Variants in DOT1L observed in about 807,000 individuals in gnomAD.
DOT1L encodes the protein DOT1 like histone lysine methyltransferase.
In DOT1L, 33 loss-of-function variants were observed where a neutral mutation model predicts 153.3. That is an observed-to-expected ratio of 0.22 (90% CI 0.16 to 0.29). DOT1L has a LOEUF of 0.29. DOT1L is among the 10% of genes least tolerant of loss of function. DOT1L has a pLI of 1.00. For missense variants in DOT1L, 1,847 were observed against 2,119.9 expected (o/e 0.87, Z 2.53); for synonymous variants, 1,135 against 965.1 (o/e 1.18, Z -3.26).
chr19:2,226,674 C>A lies in DOT1L; in HGVS notation c.4153C>A (p.Arg1385Ser). 1 of 1,578,334 alleles carries A rather than the reference C, an allele frequency of 6.3e-7. No homozygotes were observed. Among genetic ancestry groups the A allele is most frequent in the Non-Finnish European group, 8.6e-7 (1 of 1,166,736 alleles). The part of the protein sequence containing the change: ...GLAGLKGEGS[R>S]GKEAGEGGLP... ...GGCTGGGCTGAAGGGCGAGGGCAGCCGCGGCAAGGAGGCAGGGGAGGGCGG... is the reference window on the plus strand; with the variant it reads ...GGCTGGGCTGAAGGGCGAGGGCAGCAGCGGCAAGGAGGCAGGGGAGGGCGG... Residue 1385 changes from arginine (R) to serine (S), a missense_variant, in exon 27 of 28, where the codon CGC (arginine) becomes AGC (serine). By Grantham distance (110) the Arg-to-Ser change is moderately radical. This residue lies in a region of DOT1L where 934 missense variants were observed against 825.3 expected (regional missense o/e 1.13). Coordinates refer to ENST00000398665, the MANE Select transcript of DOT1L (RefSeq NM_032482.3).
In DOT1L at chr19:2,226,442, C is replaced by A. The variant is rs1237520049; in HGVS notation, c.3921C>A (p.Ser1307Arg). 1 of 1,601,562 alleles carries A rather than the reference C, an allele frequency of 6.2e-7. No homozygotes were observed. Reference protein sequence around the residue: ...PGSLSGADGLSPGTNPANGCT... With the variant: ...PGSLSGADGLRPGTNPANGCT... ...CCCTGTCGGGGGCTGACGGACTCAG[C>A]CCGGGCACCAACCCTGCCAACGGCT... The change falls in exon 27 of 28, where the codon AGC (serine) becomes AGA (arginine). Residue 1307 changes from serine to arginine, a missense_variant. By Grantham distance (110) the Ser-to-Arg change is moderately radical. Coordinates refer to ENST00000398665, the MANE Select transcript of DOT1L (RefSeq NM_032482.3).
Position 2,211,737 on chromosome 19 carries a change from G to C in DOT1L, c.1466-14G>C. ...GCTGCTCTCTTCTCACCTGTGTTCC[G>C]CCTCTCTTCCCAGAGTCCTTCAAGA... On this transcript the variant is annotated splice_polypyrimidine_tract_variant and intron_variant, in intron 15 of 27. Coordinates refer to ENST00000398665, the MANE Select transcript of DOT1L (RefSeq NM_032482.3). 6.4e-7 allele frequency: 1 copy of C among 1,553,988 alleles called. No individual in the cohort carries two copies.
chr19:2,210,521 A>G lies in DOT1L; in HGVS notation c.1116+11A>G, dbSNP rs371644618. The stretch of plus-strand genomic sequence containing the variant: ...GCCGACGCCCCCATGGTAAGGCCCC[A>G]GCCTGGCTCCTGCTGCTGGAGGGCA... On this transcript the variant is annotated intron_variant, in intron 13 of 27. Coordinates refer to ENST00000398665, the MANE Select transcript of DOT1L (RefSeq NM_032482.3). The G allele has an allele frequency of 5.0e-6, 8 of 1,592,226 alleles. No individual in the cohort carries two copies. Among genetic ancestry groups the G allele is most frequent in the African/African-American group, 2.7e-5 (2 of 74,224 alleles).
intron 23 of DOT1L, 77 bp from the exon 24 acceptor site, chr19:2,221,899 G>C: frequency 7.1e-7 from 1 of 1,404,940 alleles, no homozygotes; most frequent in African/African-American, 1.4e-5. Context: ...AGAGCTCCTA[G>C]GGGGTGGTGC....
chr19:2,228,701 G>C, intron 27 of DOT1L: 6 of 985,402 alleles, frequency 6.1e-6, no homozygotes, highest in Non-Finnish European at 7.2e-6. Context: ...CCAGGGGGCT[G>C]GGAGCTCTAG....
intron 18 of DOT1L, 197 bp downstream of exon 18, chr19:2,214,183 C>G: frequency 1.0e-6 from 1 of 999,070 alleles, no homozygotes; most frequent in Non-Finnish European, 1.4e-6. Context: ...TGGATGGTTT[C>G]TCAGCGGCCC....
In DOT1L at chr19:2,217,642, G is replaced by A. The variant is rs533308339; in HGVS notation, c.2545-130G>A. ...CAGGAGGGCCTGACTGCGTGGGGAA[G>A]GTTGCAGGGCCTTGGCAGCGTGGGG... is the stretch of plus-strand genomic sequence containing the variant. On this transcript the variant is annotated intron_variant, in intron 21 of 27. Coordinates refer to ENST00000398665, the MANE Select transcript of DOT1L (RefSeq NM_032482.3). This position sits in a 1 kb window ranked among gnomAD's most constrained non-coding sequence, Gnocchi z 7.3. 7.4e-7 allele frequency: 1 copy of A among 1,348,730 alleles called. No individual in the cohort carries two copies. The highest frequency in any genetic ancestry group is 1.4e-5 in the African/African-American group (1 of 69,326). 83.5% of individuals were successfully genotyped at this position (1,348,730 alleles called of 1,614,324 possible). A position where few individuals can be genotyped will look rare whatever the true frequency, so the allele number is the denominator to read the frequency against.
intron 1 of DOT1L, 111 bp from the exon 2 acceptor site, chr19:2,180,602 G>A (rs2022186362): frequency 2.2e-6 from 3 of 1,346,380 alleles, no homozygotes; most frequent in Admixed American, 3.9e-5. Flanking sequence ...AGCTGCACCA[G>A]TTGGGAAATG....
At chr19:2,174,299 A>C (rs2021799481) in intron 1 of DOT1L, among the ~76,000 whole-genome samples, 1 of 152,226 alleles carries the variant, frequency 6.6e-6, no homozygotes, top group Non-Finnish European at 1.5e-5. Flanking sequence ...AGGAAGCAAC[A>C]TGCTCTGATG....
intron 4 of DOT1L, 147 bp downstream of exon 4, chr19:2,189,942 T>A: frequency 1.1e-6 from 1 of 915,034 alleles, no homozygotes; most frequent in Non-Finnish European, 1.7e-6. Flanking sequence ...CGATGGGCTG[T>A]GGGTGAGTGG....
At chr19:2,172,591 G>C (rs904173393) in intron 1 of DOT1L, among the ~76,000 whole-genome samples, 4 of 149,876 alleles carry the variant, frequency 2.7e-5, no homozygotes, top group Non-Finnish European at 4.4e-5. Flanking sequence ...TGAAACCTCC[G>C]CCTCCTGGGT....
At position 2,204,475 on chromosome 19, in the gene DOT1L, C is replaced by T. The variant is rs1392815920; in HGVS notation, c.787+1696C>T. ...CAGCAGCACTACGGGCCTCCCTGCACCCTGCAGCTGCATGCAGGAAGGCAG... is the reference window on the plus strand; with the variant it reads ...CAGCAGCACTACGGGCCTCCCTGCATCCTGCAGCTGCATGCAGGAAGGCAG... On this transcript the variant is annotated intron_variant, in intron 9 of 27. Transcript: ENST00000398665. This position sits in a 1 kb window ranked among gnomAD's most constrained non-coding sequence, Gnocchi z 5.7. Among the ~76,000 whole-genome samples the T allele has an allele frequency of 2.0e-5, 3 of 152,148 alleles. No individual in the cohort carries two copies. Among genetic ancestry groups the T allele is most frequent in the Non-Finnish European group, 4.4e-5 (3 of 68,022 alleles).
At chr19:2,229,457 CG>C (rs2024506277) in intron 27 of DOT1L, 5 of 985,426 alleles carry the variant, frequency 5.1e-6, no homozygotes, top group Non-Finnish European at 3.6e-6. Context: ...CGGGTCAATG[CG>C]GGCACCTGCG....
At chr19:2,205,307 T>G (rs1354977546) in intron 9 of DOT1L, among the ~76,000 whole-genome samples, 1 of 152,290 alleles carries the variant, frequency 6.6e-6, no homozygotes, top group East Asian at 1.9e-4. Flanking sequence ...TTTATATGTG[T>G]AAAAACAGAA....
At chr19:2,196,849 A>AGCG (rs1434873095) in intron 7 of DOT1L, among the ~76,000 whole-genome samples, 1 of 152,160 alleles carries the variant, frequency 6.6e-6, no homozygotes, top group Non-Finnish European at 1.5e-5. Flanking sequence ...GCACGGTGTT[A>AGCG]GCGGCGGGCT....
chr19:2,229,046 A>G (rs939454420), intron 27 of DOT1L: 55 of 985,290 alleles, frequency 5.6e-5, no homozygotes, highest in African/African-American at 3.5e-5. Flanking sequence ...CCCTGTGGTC[A>G]TGGCCCACAG....
chr19:2,227,821 C>T, intron 27 of DOT1L: 1 of 1,299,642 alleles, frequency 7.7e-7, no homozygotes, highest in Non-Finnish European at 1.0e-6. Context: ...GGCAGCGCCA[C>T]ACTGGGCCCG....
At chr19:2,202,874 A>C in intron 9 of DOT1L, 95 bp downstream of exon 9, 1 of 1,262,068 alleles carries the variant, frequency 7.9e-7, no homozygotes, top group Non-Finnish European at 1.2e-6. Context: ...AAGGCAGCTC[A>C]GACTTGGGGT....
intron 1 of DOT1L, among the ~76,000 whole-genome samples, chr19:2,172,434 C>A (rs1219342998): frequency 6.6e-6 from 1 of 151,792 alleles, no homozygotes; most frequent in Non-Finnish European, 1.5e-5. Context: ...CATGATCCAC[C>A]CGCCTTGGGC....
Sources: allele counts gnomAD v4.1 joint callset (sites outside exome capture counted in the v4.1 genomes callset), GRCh38; gene constraint gnomAD v4.1.1; regional missense constraint gnomAD v4.1.1; non-coding constraint Gnocchi (gnomAD v3.1); transcripts MANE v1.5; gene names NCBI Gene and HGNC (gene_info 2026-07-23, HGNC 2026-07-21).